Variants in ADGRL2 observed in about 807,000 individuals in gnomAD.
The protein encoded by ADGRL2 is adhesion G protein-coupled receptor L2.
Under a neutral mutation model 157.4 loss-of-function variants are expected in ADGRL2, and 44 were observed. The ratio of observed to expected loss-of-function variants is 0.28; its 90% confidence interval spans 0.22 to 0.36. The LOEUF is 0.36. Ranked by LOEUF, ADGRL2 falls within the 10% of genes least tolerant of loss-of-function variation. The pLI is 1.00. For synonymous variants in ADGRL2, 585 were observed against 624.7 expected (o/e 0.94, Z 0.95); for missense variants, 1,510 against 1,768.9 (o/e 0.85, Z 2.63).
At chr1:81,680,212 G>C (rs977424724) in intron 3 of ADGRL2, among the ~76,000 whole-genome samples, 1 of 152,144 alleles carries the variant, frequency 6.6e-6, no homozygotes, top group Non-Finnish European at 1.5e-5. Context: ...ATGTGCACAA[G>C]AATTGCTCAA....
At chr1:81,845,975 A>G (rs2092772610) in intron 2 of ADGRL2, among the ~76,000 whole-genome samples, 1 of 151,904 alleles carries the variant, frequency 6.6e-6, no homozygotes, top group Non-Finnish European at 1.5e-5. Context: ...TCAGTTAAAT[A>G]TTTATTCATT....
chr1:81,447,225 C>CT (rs2077614886), intron 2 of ADGRL2, among the ~76,000 whole-genome samples: 1 of 151,880 alleles, frequency 6.6e-6, no homozygotes, highest in Non-Finnish European at 1.5e-5. Context: ...GAATTTTTTT[C>CT]TTTTTCCTGA....
chr1:81,463,985 A>T (rs2101823608), intron 2 of ADGRL2, among the ~76,000 whole-genome samples: 1 of 151,552 alleles, frequency 6.6e-6, no homozygotes, highest in Middle Eastern at 3.4e-3. Context: ...TTTTTTTTTT[A>T]AACACAAGCA....
At chr1:81,659,565 C>T (rs1302850900) in intron 3 of ADGRL2, among the ~76,000 whole-genome samples, 4 of 152,114 alleles carry the variant, frequency 2.6e-5, no homozygotes, top group Non-Finnish European at 5.9e-5. Flanking sequence ...ATCAGCCTTC[C>T]CAGAGAACGC....
At position 81,853,393 on chromosome 1, in the gene ADGRL2, C is replaced by G. The variant is rs536380568; in HGVS notation, c.73+16336C>G. On this transcript the variant is annotated intron_variant, in intron 2 of 23. Coordinates refer to ENST00000686636, the MANE Select transcript of ADGRL2 (RefSeq NM_001366006.2). ...TGTGGCAAGAGGATGCCATACAGAA[C>G]ACTGAAAACACCTATATCCATCTGT... Among the ~76,000 whole-genome samples the G allele has an allele frequency of 1.2e-4, 19 of 152,234 alleles. No individual in the cohort carries two copies. The South Asian group carries it at 3.7e-3, about 30-fold the overall frequency.
intron 3 of ADGRL2, among the ~76,000 whole-genome samples, chr1:81,684,304 T>C (rs531921634): frequency 2.6e-5 from 4 of 152,352 alleles, no homozygotes; most frequent in Admixed American, 2.6e-4. Flanking sequence ...TACTGTTTTT[T>C]AATTTTTTTA....
intron 2 of ADGRL2, among the ~76,000 whole-genome samples, chr1:81,508,363 A>G (rs537242430): frequency 6.6e-6 from 1 of 152,268 alleles, no homozygotes; most frequent in African/African-American, 2.4e-5. Context: ...TGTTATCATC[A>G]TCACCCCTAC....
At position 81,991,921 on chromosome 1, in the gene ADGRL2, G is replaced by T. The variant is rs1664647123; in HGVS notation, c.*776G>T. 6.6e-6 allele frequency: 1 copy of T among 152,592 alleles called. No homozygotes were observed. 9.5% of individuals were successfully genotyped at this position (152,592 alleles called of 1,614,324 possible). A position where few individuals can be genotyped will look rare whatever the true frequency, so the allele number is the denominator to read the frequency against. The stretch of plus-strand genomic sequence containing the variant: ...TTTTTCTTACACTTTGTCATGGTAA[G>T]TTCTACTCATTTTCACTTCTTTTCC... On this transcript the variant is annotated 3_prime_UTR_variant, in exon 24 of 24. Transcript: ENST00000686636.
intron 2 of ADGRL2, among the ~76,000 whole-genome samples, chr1:81,763,488 C>A (rs2085974913): frequency 6.7e-6 from 1 of 150,284 alleles, no homozygotes. Context: ...ACTTGGGAGG[C>A]TGAGGCAAGA....
At chr1:81,832,268 T>G (rs1470059177) in intron 1 of ADGRL2, among the ~76,000 whole-genome samples, 1 of 152,080 alleles carries the variant, frequency 6.6e-6, no homozygotes, top group African/African-American at 2.4e-5. Context: ...TAGCCTCCTG[T>G]GTAGCTGGGA....
At chr1:81,411,879 T>TA (rs35681432) in intron 1 of ADGRL2, among the ~76,000 whole-genome samples, 21,844 of 131,692 alleles carry the variant, frequency 0.17, 1,821 homozygotes, top group South Asian at 0.29. Flanking sequence ...GACTCCGTCT[T>TA]AAAAAAAAAA....
chr1:81,318,408 G>A (rs1660257976), intron 1 of ADGRL2, among the ~76,000 whole-genome samples: 1 of 152,174 alleles, frequency 6.6e-6, no homozygotes, highest in African/African-American at 2.4e-5. Flanking sequence ...TTTAGAAGCT[G>A]TGAGACCTTA....
At chr1:81,953,106 T>C in intron 10 of ADGRL2, 81 bp downstream of exon 10, 1 of 1,190,382 alleles carries the variant, frequency 8.4e-7, no homozygotes, top group South Asian at 1.3e-5. Flanking sequence ...CATGATCCAA[T>C]GTATTTCAGT....
chr1:81,543,032 G>A, intron 2 of ADGRL2, among the ~76,000 whole-genome samples: 1 of 147,112 alleles, frequency 6.8e-6, no homozygotes. Flanking sequence ...TGGTTTTGCT[G>A]TTTTTGCAAA....
At chr1:81,899,966 G>A (rs986251520) in intron 2 of ADGRL2, among the ~76,000 whole-genome samples, 2 of 152,066 alleles carry the variant, frequency 1.3e-5, no homozygotes, top group African/African-American at 4.8e-5. Flanking sequence ...GGCCATCATC[G>A]TTTGGAGAGG....
chr1:81,551,556 A>T (rs1053434072), intron 2 of ADGRL2, among the ~76,000 whole-genome samples: 15 of 152,220 alleles, frequency 9.9e-5, no homozygotes, highest in African/African-American at 3.6e-4. Flanking sequence ...CATTTCATCT[A>T]TTAAATCTTC....
At chr1:81,407,969 G>T (rs1471037901) in intron 1 of ADGRL2, among the ~76,000 whole-genome samples, 1 of 152,134 alleles carries the variant, frequency 6.6e-6, no homozygotes, top group African/African-American at 2.4e-5. Context: ...ACTATCTGTT[G>T]TATTACAGGC....
intron 1 of ADGRL2, among the ~76,000 whole-genome samples, chr1:81,422,073 T>G (rs953460825): frequency 2.0e-5 from 3 of 152,210 alleles, no homozygotes; most frequent in African/African-American, 7.2e-5. Flanking sequence ...TGTTTTACAT[T>G]AATCATCAAA....
intron 2 of ADGRL2, among the ~76,000 whole-genome samples, chr1:81,573,109 TTAATA>T (rs1230828121): frequency 1.3e-5 from 2 of 152,032 alleles, no homozygotes; most frequent in South Asian, 4.2e-4. Context: ...ACTCTCTAAT[TTAATA>T]TCTTTCAAAT....
Sources: allele counts gnomAD v4.1 joint callset (sites outside exome capture counted in the v4.1 genomes callset), GRCh38; gene constraint gnomAD v4.1.1; transcripts MANE v1.5; gene names NCBI Gene and HGNC (gene_info 2026-07-23, HGNC 2026-07-21).